TMPRSS11F: variants seen among roughly 807,000 people sequenced by gnomAD.
The protein encoded by TMPRSS11F is transmembrane protease serine 11F.
Under a neutral mutation model 60.2 loss-of-function variants are expected in TMPRSS11F, and 47 were observed. The observed-to-expected ratio is 0.78, with a 90% CI of 0.62 to 1.00. The LOEUF is 1.00. Ranked by LOEUF, TMPRSS11F falls within the 50% of genes least tolerant of loss-of-function variation. The pLI is 0.00. For missense variants in TMPRSS11F, 519 were observed against 522.9 expected (o/e 0.99, Z 0.07); for synonymous variants, 166 against 167.3 (o/e 0.99, Z 0.06).
At position 68,072,495 on chromosome 4, in the gene TMPRSS11F, CA is replaced by C; in HGVS notation, c.351-10del. 4.8e-6 allele frequency: 7 copies of C among 1,468,570 alleles called. No individual in the cohort carries two copies. Among genetic ancestry groups the C allele is most frequent in the South Asian group, 1.5e-5 (1 of 64,698 alleles). The allele number at this position is 1,468,570 out of a possible 1,614,324, so 91.0% of individuals were successfully genotyped here. A position where few individuals can be genotyped will look rare whatever the true frequency, so the allele number is the denominator to read the frequency against. On this transcript the variant is annotated splice_polypyrimidine_tract_variant and intron_variant, in intron 4 of 9. Coordinates refer to ENST00000356291, the MANE Select transcript of TMPRSS11F (RefSeq NM_207407.2). ...CACCTTGTTCATCTGGACTGAAGAA[CA>C]AAAAAGCAGATAAAAATGGCATTTA...
At chr4:68,126,980 T>C (rs1253023513) in intron 1 of TMPRSS11F, among the ~76,000 whole-genome samples, 1 of 152,172 alleles carries the variant, frequency 6.6e-6, no homozygotes, top group African/African-American at 2.4e-5. Context: ...GCCCTTCATT[T>C]AGTTCTGCAA....
At chr4:68,064,289 A>G (rs1421856097) in intron 8 of TMPRSS11F, among the ~76,000 whole-genome samples, 1 of 151,554 alleles carries the variant, frequency 6.6e-6, no homozygotes, top group Admixed American at 6.6e-5. Flanking sequence ...GATTCAAGCA[A>G]TTCTCCTGCC....
chr4:68,083,875 T>G (rs1289224461), intron 3 of TMPRSS11F, among the ~76,000 whole-genome samples: 1 of 151,984 alleles, frequency 6.6e-6, no homozygotes, highest in East Asian at 1.9e-4. Context: ...AGAATCCGGA[T>G]AGCAAGGATA....
At chr4:68,057,460 T>A (rs1723070059) in intron 9 of TMPRSS11F, among the ~76,000 whole-genome samples, 2 of 152,114 alleles carry the variant, frequency 1.3e-5, no homozygotes, top group South Asian at 4.2e-4. Flanking sequence ...TTTTTGAATA[T>A]TACCTCAAAA....
chr4:68,094,112 C>T (rs1223285386), intron 2 of TMPRSS11F, among the ~76,000 whole-genome samples: 21 of 124,948 alleles, frequency 1.7e-4, no homozygotes, highest in Middle Eastern at 3.7e-3. Flanking sequence ...ATGTTTATTG[C>T]GGCATTATTC....
chr4:68,085,630 GTT>G (rs1274964823), intron 3 of TMPRSS11F, among the ~76,000 whole-genome samples: 1 of 152,164 alleles, frequency 6.6e-6, no homozygotes, highest in Non-Finnish European at 1.5e-5. Context: ...ACAGTGGCAA[GTT>G]GGATAAAAAC....
chr4:68,114,668 C>T (rs530479334), intron 1 of TMPRSS11F, among the ~76,000 whole-genome samples: 66 of 150,066 alleles, frequency 4.4e-4, no homozygotes, highest in African/African-American at 1.2e-3. Flanking sequence ...ATAACAAAAC[C>T]AAAGACATTA....
chr4:68,108,147 G>C (rs935515768), intron 1 of TMPRSS11F, among the ~76,000 whole-genome samples: 2 of 152,170 alleles, frequency 1.3e-5, no homozygotes, highest in African/African-American at 4.8e-5. Flanking sequence ...GAGGAAATCA[G>C]AACATATAAC....
intron 1 of TMPRSS11F, among the ~76,000 whole-genome samples, chr4:68,107,254 T>C (rs150076174): frequency 1.4e-4 from 22 of 152,328 alleles, no homozygotes; most frequent in Admixed American, 5.9e-4. Context: ...ATTTAGTTAC[T>C]ATGGATATGG....
intron 1 of TMPRSS11F, among the ~76,000 whole-genome samples, chr4:68,123,163 A>G (rs1042477232): frequency 2.2e-4 from 34 of 152,218 alleles, no homozygotes; most frequent in African/African-American, 8.0e-4. Context: ...CAGTAGGAGA[A>G]ATATGGTAGC....
chr4:68,128,964 C>CA (rs1258265622), intron 1 of TMPRSS11F, among the ~76,000 whole-genome samples: 1 of 151,978 alleles, frequency 6.6e-6, no homozygotes, highest in East Asian at 1.9e-4. Flanking sequence ...TAATTGAAGA[C>CA]AAAATCAAAT....
intron 3 of TMPRSS11F, among the ~76,000 whole-genome samples, chr4:68,082,079 T>C (rs992417707): frequency 2.6e-5 from 4 of 151,990 alleles, no homozygotes; most frequent in Non-Finnish European, 4.4e-5. Flanking sequence ...TCAGAGTTGA[T>C]AGAGAGGCAA....
intron 1 of TMPRSS11F, among the ~76,000 whole-genome samples, chr4:68,122,094 A>G (rs2109889797): frequency 6.6e-6 from 1 of 152,336 alleles, no homozygotes; most frequent in Non-Finnish European, 1.5e-5. Flanking sequence ...TTGTTATAAT[A>G]AAATCACCTA....
At chr4:68,127,249 T>C (rs892407724) in intron 1 of TMPRSS11F, among the ~76,000 whole-genome samples, 1 of 152,114 alleles carries the variant, frequency 6.6e-6, no homozygotes, top group African/African-American at 2.4e-5. Flanking sequence ...TTTCTCCTAC[T>C]ACTAATTCTG....
intron 1 of TMPRSS11F, among the ~76,000 whole-genome samples, chr4:68,113,570 T>C (rs1724454584): frequency 6.6e-6 from 1 of 152,142 alleles, no homozygotes; most frequent in African/African-American, 2.4e-5. Context: ...GGTCAATTCA[T>C]CAACATAACA....
At chr4:68,088,914 C>T (rs1723870678) in intron 3 of TMPRSS11F, among the ~76,000 whole-genome samples, 1 of 151,986 alleles carries the variant, frequency 6.6e-6, no homozygotes, top group Middle Eastern at 3.2e-3. Context: ...ACAAAACAAA[C>T]GTTGTCTCAT....
intron 1 of TMPRSS11F, among the ~76,000 whole-genome samples, chr4:68,110,789 A>G (rs552082937): frequency 6.6e-6 from 1 of 152,292 alleles, no homozygotes; most frequent in African/African-American, 2.4e-5. Context: ...ATGCCTAGGA[A>G]TAATCAAATC....
intron 8 of TMPRSS11F, chr4:68,062,822 G>T (rs1723220426): frequency 1.3e-6 from 1 of 759,910 alleles, no homozygotes; most frequent in Non-Finnish European, 2.4e-6. Context: ...TTGATCCGTG[G>T]ATTTCCGTAG....
At chr4:68,074,131 C>CA in intron 3 of TMPRSS11F, 122 bp from the exon 4 acceptor site, 1 of 537,324 alleles carries the variant, frequency 1.9e-6, no homozygotes, top group Admixed American at 4.0e-5. Flanking sequence ...GAGACTTGGG[C>CA]AAAAAAATAA....
Sources: allele counts gnomAD v4.1 joint callset (sites outside exome capture counted in the v4.1 genomes callset), GRCh38; gene constraint gnomAD v4.1.1; transcripts MANE v1.5; gene names NCBI Gene and HGNC (gene_info 2026-07-23, HGNC 2026-07-21).